CDK6: variants seen among roughly 807,000 people sequenced by gnomAD.
The protein encoded by CDK6 is cyclin dependent kinase 6, also known as cyclin-dependent kinase 6.
In CDK6, 6 loss-of-function variants were observed where a neutral mutation model predicts 37.1. That is an observed-to-expected ratio of 0.16 (90% confidence interval 0.09 to 0.32). The LOEUF is 0.32. Among genes scored for constraint, CDK6 ranks in the 10% least tolerant of loss-of-function variants. The pLI, the probability that CDK6 is intolerant of heterozygous loss-of-function variation, is 1.00. For missense variants in CDK6, 224 were observed against 418.9 expected (o/e 0.53, Z 4.06); for synonymous variants, 160 against 161.3 (o/e 0.99, Z 0.06).
In CDK6 at chr7:92,639,146, C is replaced by T. The variant is rs184772603; in HGVS notation, c.648-16060G>A. Among the ~76,000 whole-genome samples the T allele has an allele frequency of 2.1e-3, 316 of 152,158 alleles. 1 individual carries two copies. Among genetic ancestry groups the T allele is most frequent in the South Asian group, 2.5e-3 (12 of 4,822 alleles). ...CTCAAAATATTAAAAAAAATCTTGG[C>T]GCTTTGGTGAACACACGTAGAAAAC... On this transcript the variant is annotated intron_variant, in intron 5 of 7. Transcript: ENST00000424848.
At chr7:92,824,886 C>T (rs1392788616) in intron 2 of CDK6, among the ~76,000 whole-genome samples, 3 of 152,004 alleles carry the variant, frequency 2.0e-5, no homozygotes, top group Admixed American at 1.3e-4. Flanking sequence ...AGCCAAGAGA[C>T]ATGAGGAATT....
intron 4 of CDK6, among the ~76,000 whole-genome samples, chr7:92,678,816 C>T (rs1425667877): frequency 6.6e-6 from 1 of 152,122 alleles, no homozygotes; most frequent in Admixed American, 6.5e-5. Context: ...CTGGCTTTGG[C>T]CAATGGGAAG....
chr7:92,687,438 C>CTTCCAAATTTGT (rs1797485554), intron 4 of CDK6, among the ~76,000 whole-genome samples: 1 of 152,072 alleles, frequency 6.6e-6, no homozygotes, highest in African/African-American at 2.4e-5. Flanking sequence ...TCCAAATTTG[C>CTTCCAAATTTGT]CCCCAAACTC....
At chr7:92,776,671 CT>C (rs1400234195) in intron 2 of CDK6, among the ~76,000 whole-genome samples, 9 of 151,966 alleles carry the variant, frequency 5.9e-5, no homozygotes, top group South Asian at 2.1e-4. Context: ...TGATGATGAG[CT>C]TTTTTTTCAT....
chr7:92,835,904 A>C lies in CDK6; in HGVS notation c.-368+574T>G, dbSNP rs1178930592. Among the ~76,000 whole-genome samples the C allele has an allele frequency of 6.6e-6, 1 of 152,254 alleles. No individual in the cohort carries two copies. Among genetic ancestry groups the C allele is most frequent in the African/African-American group, 2.4e-5 (1 of 41,468 alleles). On this transcript the variant is annotated intron_variant, in intron 1 of 7. Transcript: ENST00000424848. This position sits in a 1 kb window ranked among gnomAD's most constrained non-coding sequence, Gnocchi z 4.2. The stretch of plus-strand genomic sequence containing the variant: ...TCTTCGCGGGGCTCCAAGCCTGGGC[A>C]CTGGCCGGCTGCGTGCACTTTTCTG...
chr7:92,623,012 T>A (rs2116494667), intron 6 of CDK6, 24 bp downstream of exon 6: 1 of 1,446,038 alleles, frequency 6.9e-7, no homozygotes, highest in Non-Finnish European at 9.6e-7. Context: ...TGGACACTGG[T>A]GTAAAATTAT....
intron 2 of CDK6, among the ~76,000 whole-genome samples, chr7:92,816,355 T>C (rs886758377): frequency 5.3e-5 from 8 of 151,728 alleles, no homozygotes; most frequent in Admixed American, 2.6e-4. Context: ...GAGGAGAAAA[T>C]TGGAAATATA....
intron 4 of CDK6, among the ~76,000 whole-genome samples, chr7:92,672,010 G>A (rs1364308878): frequency 6.6e-6 from 1 of 150,838 alleles, no homozygotes; most frequent in Non-Finnish European, 1.5e-5. Flanking sequence ...AGGGGTGAAG[G>A]AGAAAAAACT....
chr7:92,610,771 T>C lies in CDK6; in HGVS notation c.*4369A>G. The C allele has an allele frequency of 4.4e-6, 1 of 227,722 alleles. No homozygotes were observed. The highest frequency in any genetic ancestry group is 8.7e-6 in the Non-Finnish European group (1 of 114,636). 14.1% of individuals were successfully genotyped at this position (227,722 alleles called of 1,614,324 possible). On this transcript the variant is annotated 3_prime_UTR_variant, in exon 8 of 8. Coordinates refer to ENST00000424848, the MANE Select transcript of CDK6 (RefSeq NM_001145306.2). ...GAACATGTAAATATCTTCCTAATTA[T>C]ATACCCAAATATACTTAATGGACAT...
chr7:92,688,953 C>T lies in CDK6; in HGVS notation c.538-17418G>A, dbSNP rs371520359. 6.4e-4 allele frequency among the ~76,000 whole-genome samples: 98 copies of T among 152,218 alleles called. No homozygotes were observed. In the South Asian group the frequency reaches 0.016, roughly 25 times the overall value. On this transcript the variant is annotated intron_variant, in intron 4 of 7. Coordinates refer to ENST00000424848, the MANE Select transcript of CDK6 (RefSeq NM_001145306.2). The stretch of plus-strand genomic sequence containing the variant: ...TGGGGAACCACAGCAACTATTTTGG[C>T]GGAGGGAGGCTGAAGGACAATAATC...
At chr7:92,742,379 T>C (rs1006489271) in intron 3 of CDK6, among the ~76,000 whole-genome samples, 1 of 152,228 alleles carries the variant, frequency 6.6e-6, no homozygotes, top group African/African-American at 2.4e-5. Context: ...GGTTTTTATC[T>C]GCTAAGGCTG....
intron 5 of CDK6, among the ~76,000 whole-genome samples, chr7:92,661,879 A>C (rs1370906978): frequency 6.6e-6 from 1 of 152,238 alleles, no homozygotes; most frequent in Non-Finnish European, 1.5e-5. Context: ...GTAAGTGTGC[A>C]ATAAATGTTA....
rs1029955347 is a variant in CDK6, at chr7:92,834,109, G to A, written c.-367-419C>T. Among the ~76,000 whole-genome samples the A allele has an allele frequency of 5.3e-5, 8 of 152,102 alleles. No individual in the cohort carries two copies. Among genetic ancestry groups the A allele is most frequent in the African/African-American group, 1.9e-4 (8 of 41,412 alleles). ...TCCCCGCCTCCTGAGGCCCGGACGT[G>A]CAGGGAGACGGGGTCCAGGGGTGCC... On this transcript the variant is annotated intron_variant, in intron 1 of 7. Coordinates refer to ENST00000424848, the MANE Select transcript of CDK6 (RefSeq NM_001145306.2). The surrounding 1 kb of genome is among the most constrained non-coding windows in gnomAD (Gnocchi z 4.6).
chr7:92,783,128 G>A (rs898534566), intron 2 of CDK6, among the ~76,000 whole-genome samples: 1 of 152,194 alleles, frequency 6.6e-6, no homozygotes, highest in Non-Finnish European at 1.5e-5. Context: ...AGAGACACTG[G>A]ATGGAGGAAA....
chr7:92,672,160 T>TATATATACACAC (rs1210519115), intron 4 of CDK6, among the ~76,000 whole-genome samples: 11 of 79,080 alleles, frequency 1.4e-4, no homozygotes, highest in Admixed American at 1.4e-4. Flanking sequence ...TATATATATA[T>TATATATACACAC]ACACATACAC....
intron 5 of CDK6, among the ~76,000 whole-genome samples, chr7:92,659,607 GACACACACAC>G (rs71722069): frequency 6.8e-6 from 1 of 146,006 alleles, no homozygotes; most frequent in Non-Finnish European, 1.5e-5. Flanking sequence ...AAGTAGGCAT[GACACACACAC>G]ACACACACAC....
chr7:92,643,738 A>G (rs1414017656), intron 5 of CDK6, among the ~76,000 whole-genome samples: 3 of 152,226 alleles, frequency 2.0e-5, no homozygotes, highest in African/African-American at 7.2e-5. Flanking sequence ...GTGCTTTATC[A>G]CGAATGGTTT....
chr7:92,791,078 T>C (rs564448606), intron 2 of CDK6, among the ~76,000 whole-genome samples: 170 of 152,240 alleles, frequency 1.1e-3, no homozygotes, highest in Non-Finnish European at 2.0e-3. Context: ...AGAAGGCCTG[T>C]TCTAAGGAAT....
At chr7:92,782,298 A>G (rs1320037774) in intron 2 of CDK6, among the ~76,000 whole-genome samples, 3 of 152,212 alleles carry the variant, frequency 2.0e-5, no homozygotes, top group South Asian at 4.1e-4. Flanking sequence ...AATTTATTCT[A>G]CATCCTATTA....
Sources: allele counts gnomAD v4.1 joint callset (sites outside exome capture counted in the v4.1 genomes callset), GRCh38; gene constraint gnomAD v4.1.1; non-coding constraint Gnocchi (gnomAD v3.1); transcripts MANE v1.5; gene names NCBI Gene and HGNC (gene_info 2026-07-23, HGNC 2026-07-21).